BCAS3: variants seen among roughly 807,000 people sequenced by gnomAD.
BCAS3 encodes the protein BCAS3 microtubule associated cell migration factor.
Under a neutral mutation model 116.1 loss-of-function variants are expected in BCAS3, and 53 were observed. The observed-to-expected ratio is 0.46, with a 90% confidence interval of 0.37 to 0.57. The LOEUF (loss-of-function observed/expected upper bound fraction) is 0.57. Among genes scored for constraint, BCAS3 ranks in the 20% least tolerant of loss-of-function variants. BCAS3 has a pLI of 0.00. For synonymous variants in BCAS3, 391 were observed against 408.2 expected, an observed-to-expected ratio of 0.96 and a Z score of 0.51; for missense variants, 917 against 1,165.4, an observed-to-expected ratio of 0.79 and a Z score of 3.10.
rs2081062447 is a variant in BCAS3 at position 61,205,362 on chromosome 17, C to A, written c.2425+120798C>A. 6.6e-6 allele frequency among the ~76,000 whole-genome samples: 1 copy of A among 152,142 alleles called. No homozygotes were observed. The highest frequency in any genetic ancestry group is 1.5e-5 in the Non-Finnish European group (1 of 68,024). On this transcript the variant is annotated intron_variant, in intron 22 of 23. Coordinates refer to ENST00000407086, the MANE Select transcript of BCAS3 (RefSeq NM_017679.5). This position sits in a 1 kb window ranked among gnomAD's most constrained non-coding sequence, Gnocchi z 5.2. ...CCTCCCACATTGTCAACATCAGTAC[C>A]ATTTATTTGTTGACCAACAGAAGAC... is the stretch of plus-strand genomic sequence containing the variant.
rs557860760 is a variant in BCAS3 at position 60,710,677 on chromosome 17, C to T, written c.321+1352C>T. Among the ~76,000 whole-genome samples, 42 of 152,132 alleles carry T rather than the reference C, an allele frequency of 2.8e-4. 1 individual carries two copies. In the South Asian group the frequency reaches 5.6e-3, roughly 20 times the overall value. The stretch of plus-strand genomic sequence containing the variant: ...TGATCTGCTGACCTCGTGATCCGCC[C>T]GCCTTGGCCTCCCAAAGTGCTGGGA... On this transcript the variant is annotated intron_variant, in intron 5 of 23. Coordinates refer to ENST00000407086, the MANE Select transcript of BCAS3 (RefSeq NM_017679.5).
chr17:61,154,265 T>G (rs1352697409), intron 22 of BCAS3, among the ~76,000 whole-genome samples: 2 of 152,152 alleles, frequency 1.3e-5, no homozygotes, highest in Non-Finnish European at 2.9e-5. Flanking sequence ...GATTGTGAAC[T>G]GAGAGTTGGG....
At chr17:60,865,706 G>A (rs1199539359) in intron 7 of BCAS3, among the ~76,000 whole-genome samples, 3 of 152,166 alleles carry the variant, frequency 2.0e-5, no homozygotes, top group African/African-American at 7.2e-5. Flanking sequence ...CATGTTATCT[G>A]TGATGGTTTT....
intron 22 of BCAS3, among the ~76,000 whole-genome samples, chr17:61,120,083 A>T (rs903211036): frequency 2.6e-5 from 4 of 152,132 alleles, no homozygotes; most frequent in Non-Finnish European, 5.9e-5. Context: ...CAGAACTTTT[A>T]TGCAATCCCA....
In BCAS3 at chr17:61,339,903, G is replaced by A. The variant is rs936514729; in HGVS notation, c.2426-28424G>A. Among the ~76,000 whole-genome samples, 1 of 152,146 alleles carries A rather than the reference G, an allele frequency of 6.6e-6. No homozygotes were observed. The highest frequency in any genetic ancestry group is 1.5e-5 in the Non-Finnish European group (1 of 68,032). On this transcript the variant is annotated intron_variant, in intron 22 of 23. Transcript: ENST00000407086. This position sits in a 1 kb window ranked among gnomAD's most constrained non-coding sequence, Gnocchi z 4.4. ...AAGTAGAGAGAGGGTCAACTATGTC[G>A]AAAGCACACTTGACCTGCTGAAAGA...
chr17:60,850,798 A>C (rs2053070715), intron 7 of BCAS3, among the ~76,000 whole-genome samples: 1 of 152,174 alleles, frequency 6.6e-6, no homozygotes, highest in African/African-American at 2.4e-5. Context: ...TGAAATACTT[A>C]AGTGTAAAAC....
intron 13 of BCAS3, among the ~76,000 whole-genome samples, chr17:60,931,201 T>C (rs576836092): frequency 6.6e-6 from 1 of 152,328 alleles, no homozygotes; most frequent in East Asian, 1.9e-4. Flanking sequence ...ATATGGGCAG[T>C]GTAAATTTGT....
Position 61,323,076 on chromosome 17 carries a change from T to TAA in BCAS3, c.2426-45242_2426-45241dup, listed in dbSNP as rs528854588. Among the ~76,000 whole-genome samples, 2 of 149,248 alleles carry TAA rather than the reference T, an allele frequency of 1.3e-5. No individual in the cohort carries two copies. The highest frequency in any genetic ancestry group is 1.9e-4 in the East Asian group (1 of 5,148). ...TGATTGAGCTGCTAAGCAGTTGGTT[T>TAA]AAAAAAAAAATGAAAGAAAAAGGAG... On this transcript the variant is annotated intron_variant, in intron 22 of 23. Transcript: ENST00000407086. The surrounding 1 kb of genome is among the most constrained non-coding windows in gnomAD (Gnocchi z 4.6).
At chr17:60,765,588 G>A (rs1346295705) in intron 6 of BCAS3, among the ~76,000 whole-genome samples, 3 of 152,154 alleles carry the variant, frequency 2.0e-5, no homozygotes, top group African/African-American at 7.2e-5. Context: ...TTCCCTTTGT[G>A]GGTAACTTGA....
At chr17:60,682,758 G>A (rs2033365924) in intron 2 of BCAS3, among the ~76,000 whole-genome samples, 1 of 152,126 alleles carries the variant, frequency 6.6e-6, no homozygotes, top group South Asian at 2.1e-4. Context: ...CTGACCTCAA[G>A]TGATCCACTC....
chr17:61,025,358 T>C (rs1226894231), intron 16 of BCAS3, among the ~76,000 whole-genome samples: 2 of 152,078 alleles, frequency 1.3e-5, no homozygotes, highest in Non-Finnish European at 1.5e-5. Context: ...ATTGCTGTTA[T>C]CTAGGAGCTT....
intron 12 of BCAS3, among the ~76,000 whole-genome samples, chr17:60,922,639 A>G (rs2059165484): frequency 6.6e-6 from 1 of 152,230 alleles, no homozygotes; most frequent in Non-Finnish European, 1.5e-5. Flanking sequence ...CCAAAACTGC[A>G]GAATGCACAT....
intron 22 of BCAS3, among the ~76,000 whole-genome samples, chr17:61,299,786 T>A (rs537948650): frequency 5.5e-4 from 84 of 152,324 alleles, no homozygotes; most frequent in African/African-American, 1.5e-3. Flanking sequence ...AGCAAAAGGA[T>A]GCGGGTCCTA....
At chr17:61,369,418 C>A (rs1326021516) in intron 23 of BCAS3, among the ~76,000 whole-genome samples, 1 of 152,166 alleles carries the variant, frequency 6.6e-6, no homozygotes, top group Non-Finnish European at 1.5e-5. Flanking sequence ...GCAAAGAACC[C>A]CAGTAAGGAG....
In BCAS3 at chr17:60,979,272, A is replaced by G. The variant is rs2062632510; in HGVS notation, c.1222-10699A>G. Among the ~76,000 whole-genome samples the G allele has an allele frequency of 2.7e-5, 4 of 148,626 alleles. No individual in the cohort carries two copies. The South Asian group carries it at 8.5e-4, about 32-fold the overall frequency. ...TTTATTCTCTTTGAAGCAATTGTGA[A>G]TGGGAGTTCACTCATGATTTGGCTC... is the stretch of plus-strand genomic sequence containing the variant. On this transcript the variant is annotated intron_variant, in intron 14 of 23. Transcript: ENST00000407086.
At chr17:60,900,533 C>T (rs748108024) in intron 10 of BCAS3, among the ~76,000 whole-genome samples, 1 of 152,172 alleles carries the variant, frequency 6.6e-6, no homozygotes, top group South Asian at 2.1e-4. Flanking sequence ...CCTGTTAGTT[C>T]TCTGTTGAAT....
chr17:60,953,394 C>G (rs942606561), intron 14 of BCAS3, among the ~76,000 whole-genome samples: 9 of 151,720 alleles, frequency 5.9e-5, no homozygotes, highest in Admixed American at 6.6e-5. Flanking sequence ...GTCCTTTGCC[C>G]ACTATTTAAT....
At chr17:61,133,969 A>G (rs868431631) in intron 22 of BCAS3, among the ~76,000 whole-genome samples, 2 of 152,074 alleles carry the variant, frequency 1.3e-5, no homozygotes, top group Non-Finnish European at 2.9e-5. Flanking sequence ...TGATTTTCAC[A>G]TATGTGTTCC....
intron 22 of BCAS3, among the ~76,000 whole-genome samples, chr17:61,311,620 C>T (rs569866109): frequency 8.5e-5 from 13 of 152,214 alleles, no homozygotes; most frequent in South Asian, 2.1e-4. Context: ...AGAGGCCAGG[C>T]GCGGTGGCTC....
Sources: gnomAD v4.1 joint callset for allele counts (sites outside exome capture counted in the v4.1 genomes callset) on GRCh38, gnomAD v4.1.1 for gene constraint, Gnocchi (gnomAD v3.1) non-coding constraint, MANE v1.5 for transcripts, NCBI Gene and HGNC (gene_info 2026-07-23, HGNC 2026-07-21) for gene names.